The following ADGRL2 variants were observed in gnomAD, a reference collection of about 807,000 sequenced individuals.
ADGRL2 encodes the protein adhesion G protein-coupled receptor L2.
ADGRL2 carries 44 observed loss-of-function variants against 157.4 expected under a neutral mutation model. The ratio of observed to expected loss-of-function variants is 0.28; its 90% CI spans 0.22 to 0.36. The LOEUF (loss-of-function observed/expected upper bound fraction) is 0.36, where lower values mean the gene tolerates loss of function less well. Ranked by LOEUF, ADGRL2 falls within the 10% of genes least tolerant of loss-of-function variation. The probability of loss-of-function intolerance (pLI) is 1.00; values close to 1 mark genes in which losing one functional copy is unlikely to be tolerated. For synonymous variants in ADGRL2, 585 were observed against 624.7 expected (o/e 0.94, Z 0.95); for missense variants, 1,510 against 1,768.9 (o/e 0.85, Z 2.63).
Position 81,851,859 on chromosome 1 carries a change from A to G in ADGRL2, c.73+14802A>G, listed in dbSNP as rs2093022946. ...CATTCTGTCTCTGGGTCTAATTTAG[A>G]AAAAGAAGTAGTAAATTCTATGTTT... On this transcript the variant is annotated intron_variant, in intron 2 of 23. Transcript: ENST00000686636. Among the ~76,000 whole-genome samples, 3 of 151,818 alleles carry G rather than the reference A, an allele frequency of 2.0e-5. No individual in the cohort carries two copies. In the South Asian group the frequency reaches 6.2e-4, roughly 31 times the overall value.
chr1:81,563,802 A>T (rs571365191), intron 2 of ADGRL2, among the ~76,000 whole-genome samples: 1 of 152,308 alleles, frequency 6.6e-6, no homozygotes, highest in Admixed American at 6.5e-5. Flanking sequence ...CTCTTCCTGT[A>T]CAAACATGTA....
At chr1:81,615,181 G>C (rs1228331000) in intron 3 of ADGRL2, among the ~76,000 whole-genome samples, 2 of 152,148 alleles carry the variant, frequency 1.3e-5, no homozygotes, top group Non-Finnish European at 1.5e-5. Context: ...GATTGTAAAT[G>C]CACCAATCAG....
chr1:81,358,453 C>T (rs1387202880), intron 1 of ADGRL2, among the ~76,000 whole-genome samples: 1 of 152,090 alleles, frequency 6.6e-6, no homozygotes, highest in Non-Finnish European at 1.5e-5. Flanking sequence ...TAGATTTTTG[C>T]TGTATTAAAT....
chr1:81,527,016 C>G (rs747907717), intron 2 of ADGRL2, among the ~76,000 whole-genome samples: 3 of 152,154 alleles, frequency 2.0e-5, no homozygotes, highest in Non-Finnish European at 4.4e-5. Context: ...GTATTAAAAT[C>G]AAAATGATCT....
At chr1:81,571,558 G>A (rs562986108) in intron 2 of ADGRL2, among the ~76,000 whole-genome samples, 63 of 151,548 alleles carry the variant, frequency 4.2e-4, no homozygotes, top group Admixed American at 7.2e-4. Context: ...ACAGAATGAT[G>A]TTAAGTTGTT....
chr1:81,839,860 TA>T (rs2092471892), intron 2 of ADGRL2, among the ~76,000 whole-genome samples: 1 of 145,140 alleles, frequency 6.9e-6, no homozygotes, highest in Admixed American at 7.0e-5. Flanking sequence ...CATATATATA[TA>T]TATTTTCCAT....
intron 2 of ADGRL2, among the ~76,000 whole-genome samples, chr1:81,508,455 G>A (rs1282871229): frequency 1.3e-5 from 2 of 152,162 alleles, no homozygotes; most frequent in African/African-American, 4.8e-5. Context: ...TCGCCAGTGT[G>A]CTCATGAGGC....
intron 1 of ADGRL2, among the ~76,000 whole-genome samples, chr1:81,813,713 TTAAA>T (rs1369828559): frequency 6.6e-6 from 1 of 151,802 alleles, no homozygotes; most frequent in Non-Finnish European, 1.5e-5. Context: ...TGTCATTGTC[TTAAA>T]TAATATAAAA....
intron 1 of ADGRL2, among the ~76,000 whole-genome samples, chr1:81,752,194 A>G (rs997418463): frequency 6.6e-5 from 10 of 152,160 alleles, no homozygotes; most frequent in African/African-American, 2.4e-5. Context: ...CATTAAAGTG[A>G]GAAGGAAGCT....
chr1:81,497,808 C>T (rs1057196343), intron 2 of ADGRL2, among the ~76,000 whole-genome samples: 1 of 152,142 alleles, frequency 6.6e-6, no homozygotes, highest in Admixed American at 6.6e-5. Flanking sequence ...ATTAACTGGT[C>T]TATTTTTGTT....
chr1:81,617,720 CTA>C (rs2081691939), intron 3 of ADGRL2, among the ~76,000 whole-genome samples: 1 of 152,210 alleles, frequency 6.6e-6, no homozygotes, highest in Admixed American at 6.5e-5. Context: ...AGCTTGGATG[CTA>C]TGTCAGTGTT....
intron 3 of ADGRL2, among the ~76,000 whole-genome samples, chr1:81,587,946 A>G (rs1212730833): frequency 1.3e-5 from 2 of 152,140 alleles, no homozygotes; most frequent in Non-Finnish European, 2.9e-5. Flanking sequence ...GGTAGAAAAA[A>G]CATGTTTCCA....
chr1:81,494,305 T>C (rs1327131510), intron 2 of ADGRL2, among the ~76,000 whole-genome samples: 1 of 152,132 alleles, frequency 6.6e-6, no homozygotes, highest in Non-Finnish European at 1.5e-5. Context: ...TTTTAAAATC[T>C]GGTCTATACT....
intron 3 of ADGRL2, among the ~76,000 whole-genome samples, chr1:81,636,897 G>A (rs750105560): frequency 1.1e-4 from 17 of 152,106 alleles, no homozygotes; most frequent in South Asian, 2.1e-4. Flanking sequence ...GTGCAGTGGC[G>A]CGATCTTAGC....
intron 2 of ADGRL2, among the ~76,000 whole-genome samples, chr1:81,555,463 TTC>T (rs1201427319): frequency 6.6e-6 from 1 of 151,928 alleles, no homozygotes; most frequent in African/African-American, 2.4e-5. Context: ...GAGATGGTGT[TTC>T]ACCATATTGG....
intron 2 of ADGRL2, among the ~76,000 whole-genome samples, chr1:81,478,268 C>T (rs1005156280): frequency 7.9e-5 from 12 of 152,260 alleles, no homozygotes; most frequent in African/African-American, 2.9e-4. Flanking sequence ...AATCCATGCT[C>T]GGTTCCTGTG....
At chr1:81,862,165 CTT>C (rs1158708573) in intron 2 of ADGRL2, among the ~76,000 whole-genome samples, 2 of 152,000 alleles carry the variant, frequency 1.3e-5, no homozygotes, top group African/African-American at 4.8e-5. Flanking sequence ...AATGTGGACA[CTT>C]AATATGTTAG....
chr1:81,505,085 G>A, intron 2 of ADGRL2: 1 of 428,916 alleles, frequency 2.3e-6, no homozygotes, highest in Non-Finnish European at 4.5e-6. Flanking sequence ...GTCCTGTGTA[G>A]GAGAGGAAAG....
intron 3 of ADGRL2, among the ~76,000 whole-genome samples, chr1:81,667,156 G>T (rs1043157394): frequency 7.9e-5 from 12 of 152,034 alleles, no homozygotes; most frequent in Non-Finnish European, 5.9e-5. Flanking sequence ...AAAGAACGGG[G>T]GTGCTAAATA....
Sources: gnomAD v4.1 joint callset for allele counts (sites outside exome capture counted in the v4.1 genomes callset) on GRCh38, gnomAD v4.1.1 for gene constraint, MANE v1.5 for transcripts, NCBI Gene and HGNC (gene_info 2026-07-23, HGNC 2026-07-21) for gene names.